The following SDK1 variants were observed in gnomAD, a reference collection of about 807,000 sequenced individuals.
SDK1 encodes sidekick cell adhesion molecule 1.
Under a neutral mutation model 245.5 loss-of-function variants are expected in SDK1, and 157 were observed. That is an observed-to-expected ratio of 0.64 (90% CI 0.56 to 0.73). The LOEUF is 0.73. Ranked by LOEUF, SDK1 falls within the 30% of genes least tolerant of loss-of-function variation. SDK1 has a pLI of 0.00. For missense variants in SDK1, 3,583 were observed against 3,002.3 expected (o/e 1.19, Z -4.52); for synonymous variants, 1,647 against 1,278.5 (o/e 1.29, Z -6.15).
intron 1 of SDK1, among the ~76,000 whole-genome samples, chr7:3,568,485 C>T (rs995301629): frequency 3.9e-5 from 6 of 151,938 alleles, no homozygotes; most frequent in Admixed American, 3.3e-4. Flanking sequence ...CCTTTGAATC[C>T]CTAAAATGAT....
intron 4 of SDK1, among the ~76,000 whole-genome samples, chr7:3,796,780 G>C (rs961729612): frequency 6.6e-6 from 1 of 152,080 alleles, no homozygotes; most frequent in Middle Eastern, 3.2e-3. Context: ...TGAATGTGTT[G>C]TTTGCTGTAC....
chr7:3,853,332 G>A (rs1780464305), intron 5 of SDK1, among the ~76,000 whole-genome samples: 1 of 152,138 alleles, frequency 6.6e-6, no homozygotes, highest in African/African-American at 2.4e-5. Context: ...AGTACCAGCT[G>A]CTGGCAATAT....
chr7:3,698,273 C>T (rs1459829907), intron 4 of SDK1, among the ~76,000 whole-genome samples: 1 of 152,164 alleles, frequency 6.6e-6, no homozygotes, highest in African/African-American at 2.4e-5. Context: ...TCAGCGTGAC[C>T]CCCATCAGAA....
intron 4 of SDK1, among the ~76,000 whole-genome samples, chr7:3,691,029 A>C (rs1784425261): frequency 1.3e-5 from 2 of 152,188 alleles, no homozygotes; most frequent in African/African-American, 4.8e-5. Flanking sequence ...CTTCAAAGAA[A>C]ATTATTTGGA....
intron 1 of SDK1, among the ~76,000 whole-genome samples, chr7:3,310,555 TG>T (rs879881691): frequency 9.2e-5 from 14 of 152,322 alleles, no homozygotes; most frequent in Non-Finnish European, 1.5e-4. Context: ...TCCAGGTTTC[TG>T]GCTTGCATGA....
rs368457161 is a variant in SDK1 at position 4,248,185 on chromosome 7, CAT to C, written c.6381+2381_6381+2382del. Reference sequence around the variant, plus strand: ...ATGAACACATATGTACATGTACACACATGTGCACGGACACATACACACCTGAA... The same window carrying C: ...ATGAACACATATGTACATGTACACACGTGCACGGACACATACACACCTGAA... On this transcript the variant is annotated intron_variant, in intron 44 of 44. Coordinates refer to ENST00000404826, the MANE Select transcript of SDK1 (RefSeq NM_152744.4). Among the ~76,000 whole-genome samples, 122 of 152,214 alleles carry C rather than the reference CAT, an allele frequency of 8.0e-4. 1 individual carries two copies. In the South Asian group the frequency reaches 0.018, roughly 23 times the overall value.
At chr7:3,990,780 C>T (rs1784242568) in intron 14 of SDK1, among the ~76,000 whole-genome samples, 2 of 152,220 alleles carry the variant, frequency 1.3e-5, no homozygotes, top group South Asian at 4.1e-4. Flanking sequence ...CAGTCATGGA[C>T]CGTCTTCCAA....
chr7:4,006,959 G>A (rs920672554), intron 14 of SDK1, among the ~76,000 whole-genome samples: 3 of 152,234 alleles, frequency 2.0e-5, no homozygotes, highest in East Asian at 1.9e-4. Context: ...TGCCTCTCCC[G>A]CAGTCTGATT....
intron 5 of SDK1, among the ~76,000 whole-genome samples, chr7:3,881,278 G>A (rs898791339): frequency 1.3e-5 from 2 of 151,938 alleles, no homozygotes; most frequent in Admixed American, 1.3e-4. Context: ...AGGCCCCCCA[G>A]TGTGTGTTGT....
rs139307746 is a variant in SDK1, at chr7:4,113,906, C to A, written c.3586-131C>A. 2.4e-3 allele frequency: 1,614 copies of A among 669,214 alleles called. 11 individuals carry two copies. The highest frequency in any genetic ancestry group is 9.5e-3 in the South Asian group (500 of 52,888). 41.5% of individuals were successfully genotyped at this position (669,214 alleles called of 1,614,324 possible). On this transcript the variant is annotated intron_variant, in intron 24 of 44. Transcript: ENST00000404826. ...GTTTCAGGGAAGAATAAAGTAGATC[C>A]TTCTAAGACTATTTCCCCCAGGAAC...
At chr7:3,382,220 C>G (rs1384471315) in intron 1 of SDK1, among the ~76,000 whole-genome samples, 1 of 152,092 alleles carries the variant, frequency 6.6e-6, no homozygotes, top group African/African-American at 2.4e-5. Context: ...ATCCTCCCGC[C>G]TCTGCCTCCC....
chr7:4,219,758 C>T (rs1785032015), intron 38 of SDK1, among the ~76,000 whole-genome samples: 1 of 152,054 alleles, frequency 6.6e-6, no homozygotes, highest in African/African-American at 2.4e-5. Context: ...AGGGACATTC[C>T]CTGGAGTGTC....
chr7:3,744,262 C>G (rs911320182), intron 4 of SDK1, among the ~76,000 whole-genome samples: 107 of 152,140 alleles, frequency 7.0e-4, no homozygotes, highest in African/African-American at 2.5e-3. Context: ...CAATTACTGC[C>G]GAACCCCTTA....
intron 1 of SDK1, among the ~76,000 whole-genome samples, chr7:3,381,189 A>G (rs1048918364): frequency 3.3e-5 from 5 of 152,128 alleles, no homozygotes; most frequent in Non-Finnish European, 7.3e-5. Context: ...TGGCAGAAGA[A>G]TAGGTATTCT....
intron 1 of SDK1, among the ~76,000 whole-genome samples, chr7:3,537,134 C>G (rs1778911717): frequency 6.6e-6 from 1 of 152,210 alleles, no homozygotes; most frequent in South Asian, 2.1e-4. Flanking sequence ...TTAAATCAGT[C>G]CATTCCCTCT....
chr7:4,219,744 G>A (rs919869538), intron 38 of SDK1, among the ~76,000 whole-genome samples: 3 of 152,056 alleles, frequency 2.0e-5, no homozygotes, highest in Non-Finnish European at 4.4e-5. Flanking sequence ...AGAGCCAAGT[G>A]GGAAGGGACA....
intron 13 of SDK1, among the ~76,000 whole-genome samples, chr7:3,975,018 A>C (rs1330988160): frequency 2.0e-5 from 3 of 151,438 alleles, no homozygotes; most frequent in Non-Finnish European, 4.4e-5. Flanking sequence ...TAGATACTTT[A>C]AGTTAAGTCT....
intron 22 of SDK1, among the ~76,000 whole-genome samples, chr7:4,100,215 G>A (rs538052981): frequency 2.0e-5 from 3 of 152,324 alleles, no homozygotes; most frequent in East Asian, 3.9e-4. Context: ...CTGATGGGAG[G>A]GAGGGACAGA....
In SDK1 at chr7:4,267,190, C is replaced by T; in HGVS notation, c.*1806C>T. The stretch of plus-strand genomic sequence containing the variant: ...TTTTTTCTCTCCTCCCTTCCTTCCC[C>T]TCCTTCCTTTCCTTTACCCCTCCTT... On this transcript the variant is annotated 3_prime_UTR_variant, in exon 45 of 45. Transcript: ENST00000404826. The T allele has an allele frequency of 1.0e-6, 1 of 966,670 alleles. No individual in the cohort carries two copies. The highest frequency in any genetic ancestry group is 1.2e-6 in the Non-Finnish European group (1 of 813,050). 59.9% of individuals were successfully genotyped at this position (966,670 alleles called of 1,614,324 possible). A position where few individuals can be genotyped will look rare whatever the true frequency, so the allele number is the denominator to read the frequency against.
Sources: allele counts gnomAD v4.1 joint callset (sites outside exome capture counted in the v4.1 genomes callset), GRCh38; gene constraint gnomAD v4.1.1; transcripts MANE v1.5; gene names NCBI Gene and HGNC (gene_info 2026-07-23, HGNC 2026-07-21).